GRIK4: variants seen among roughly 807,000 people sequenced by gnomAD.
GRIK4 encodes the protein glutamate ionotropic receptor kainate type subunit 4.
GRIK4 carries 40 observed loss-of-function variants against 104.9 expected under a neutral mutation model. That is an observed-to-expected ratio of 0.38 (90% confidence interval 0.30 to 0.50). The LOEUF (loss-of-function observed/expected upper bound fraction) is 0.50, where lower values mean the gene tolerates loss of function less well. Among genes scored for constraint, GRIK4 ranks in the 20% least tolerant of loss-of-function variants. The pLI, the probability that GRIK4 is intolerant of heterozygous loss-of-function variation, is 0.93. For missense variants in GRIK4, 1,047 were observed against 1,308.1 expected (o/e 0.80, Z 3.08); for synonymous variants, 485 against 524.9 (o/e 0.92, Z 1.04).
At chr11:120,680,215 C>T (rs2135284608) in intron 3 of GRIK4, among the ~76,000 whole-genome samples, 2 of 152,296 alleles carry the variant, frequency 1.3e-5, no homozygotes, top group East Asian at 3.9e-4. Context: ...GTAGCTGGGA[C>T]TACAGGTGCG....
intron 14 of GRIK4, among the ~76,000 whole-genome samples, chr11:120,943,107 TACAC>T (rs1222269285): frequency 8.4e-5 from 9 of 106,830 alleles, no homozygotes; most frequent in Non-Finnish European, 1.8e-4. Context: ...TGTCCCTCTC[TACAC>T]ACACACACAC....
At position 120,952,927 on chromosome 11, in the gene GRIK4, T is replaced by A. The variant is rs776634601; in HGVS notation, c.1663T>A (p.Tyr555Asn). 21 of 1,613,742 alleles carry A rather than the reference T, an allele frequency of 1.3e-5. No individual in the cohort carries two copies. The highest frequency in any genetic ancestry group is 1.7e-5 in the Non-Finnish European group (20 of 1,179,822). Residue 555 changes from tyrosine to asparagine, a missense_variant, in exon 15 of 21, where the codon TAT becomes AAT. Tyr to Asn is a moderately radical substitution (Grantham distance 143). Around this residue, in one of 3 missense-constraint regions of GRIK4, gnomAD observed 440 missense variants for 652.3 expected, o/e 0.67. Transcript: ENST00000527524. The surrounding 1 kb of genome is among the most constrained non-coding windows in gnomAD (Gnocchi z 5.2). ...PGVWLFMLLA[Y>N]LAVSCVLFLV... is the part of the protein sequence containing the mutation. ...CGTCTGGCTCTTCATGCTTCTAGCCTATCTGGCCGTCAGCTGTGTCCTCTT... is the reference window on the plus strand; with the variant it reads ...CGTCTGGCTCTTCATGCTTCTAGCCAATCTGGCCGTCAGCTGTGTCCTCTT...
At chr11:120,768,379 G>A (rs373785681) in intron 3 of GRIK4, among the ~76,000 whole-genome samples, 37 of 152,016 alleles carry the variant, frequency 2.4e-4, no homozygotes, top group African/African-American at 6.5e-4. Flanking sequence ...TAGAAATGCC[G>A]CTGATTTTTG....
chr11:120,747,014 G>A (rs962038104), intron 3 of GRIK4, among the ~76,000 whole-genome samples: 1 of 152,172 alleles, frequency 6.6e-6, no homozygotes, highest in Non-Finnish European at 1.5e-5. Flanking sequence ...AGAATGAAAT[G>A]AGATCATCCC....
At chr11:120,843,417 A>C (rs775712697) in intron 8 of GRIK4, among the ~76,000 whole-genome samples, 1 of 152,244 alleles carries the variant, frequency 6.6e-6, no homozygotes, top group African/African-American at 2.4e-5. Context: ...GTACATCAGC[A>C]GGAGGCCTCA....
In GRIK4 at chr11:120,928,982, T is replaced by C. The variant is rs866369838; in HGVS notation, c.1477-11365T>C. Among the ~76,000 whole-genome samples, 552 of 143,890 alleles carry C rather than the reference T, an allele frequency of 3.8e-3. 4 individuals are homozygous for C. Among genetic ancestry groups the C allele is most frequent in the African/African-American group, 0.013 (498 of 37,670 alleles). The allele number at this position is 143,890 out of a possible 152,430, so 94.4% of individuals were successfully genotyped here. ...AGACGTGTGTGTGTGTGTGTGTGTG[T>C]GTGTGTGCGCGCGTGCACGCGTGTA... On this transcript the variant is annotated intron_variant, in intron 13 of 20. Coordinates refer to ENST00000527524, the MANE Select transcript of GRIK4 (RefSeq NM_014619.5).
At chr11:120,736,691 A>T (rs1279133103) in intron 3 of GRIK4, among the ~76,000 whole-genome samples, 2 of 152,172 alleles carry the variant, frequency 1.3e-5, no homozygotes, top group Non-Finnish European at 2.9e-5. Context: ...AAAGAATGGA[A>T]ATACATAGTT....
intron 1 of GRIK4, among the ~76,000 whole-genome samples, chr11:120,613,112 A>C (rs1045247537): frequency 6.6e-5 from 10 of 152,210 alleles, no homozygotes; most frequent in Non-Finnish European, 1.5e-4. Flanking sequence ...ATGATTACTC[A>C]TATCCATGTG....
chr11:120,921,812 C>A (rs2134570345), intron 13 of GRIK4, among the ~76,000 whole-genome samples: 2 of 152,318 alleles, frequency 1.3e-5, no homozygotes, highest in Admixed American at 1.3e-4. Context: ...TTTTGTTCTC[C>A]AAGTTGCAGC....
rs969286636 is a variant in GRIK4, at chr11:120,986,165, C to T, written c.2776C>T (p.Arg926Cys). Residue 926 changes from arginine to cysteine, a missense_variant, in exon 21 of 21, where the codon CGC becomes TGC. Transcript: ENST00000527524. ...CTHIRVCPECRRFQGLRARPS... is the reference protein window; with the variant it reads ...CTHIRVCPECCRFQGLRARPS... The stretch of plus-strand genomic sequence containing the variant: ...GCACATCCGCGTCTGCCCCGAGTGC[C>T]GCCGCTTCCAGGGCCTGCGGGCACG... The T allele has an allele frequency of 6.5e-7, 1 of 1,550,198 alleles. No homozygotes were observed. Among genetic ancestry groups the T allele is most frequent in the Admixed American group, 1.8e-5 (1 of 55,360 alleles).
chr11:120,810,112 A>G (rs143943481), intron 4 of GRIK4, among the ~76,000 whole-genome samples: 1 of 152,310 alleles, frequency 6.6e-6, no homozygotes, highest in Non-Finnish European at 1.5e-5. Flanking sequence ...CATGTACCAT[A>G]TGTAAAGTTG....
chr11:120,771,936 A>G (rs1239440975), intron 3 of GRIK4, among the ~76,000 whole-genome samples: 2 of 152,222 alleles, frequency 1.3e-5, no homozygotes, highest in African/African-American at 4.8e-5. Flanking sequence ...GGGTAGAACT[A>G]CCCTCATGAT....
intron 2 of GRIK4, among the ~76,000 whole-genome samples, chr11:120,655,900 G>A (rs1565275842): frequency 6.6e-6 from 1 of 152,154 alleles, no homozygotes; most frequent in Non-Finnish European, 1.5e-5. Flanking sequence ...TTTGTGGCAT[G>A]CTGTGGGATC....
At position 120,940,933 on chromosome 11, in the gene GRIK4, G is replaced by A. The variant is rs1172396970; in HGVS notation, c.1590+473G>A. On this transcript the variant is annotated intron_variant, in intron 14 of 20. Transcript: ENST00000527524. This position sits in a 1 kb window ranked among gnomAD's most constrained non-coding sequence, Gnocchi z 4.3. ...AGATAATTTAATGTCATTTATACCT[G>A]GCCTGCCCTTTTCTGCATTCCATGC... is the stretch of plus-strand genomic sequence containing the variant. Among the ~76,000 whole-genome samples, 4 of 152,300 alleles carry A rather than the reference G, an allele frequency of 2.6e-5. No homozygotes were observed. The highest frequency in any genetic ancestry group is 4.1e-4 in the South Asian group (2 of 4,822).
intron 1 of GRIK4, among the ~76,000 whole-genome samples, chr11:120,534,776 G>A (rs1436028032): frequency 1.3e-5 from 2 of 152,190 alleles, no homozygotes; most frequent in Non-Finnish European, 2.9e-5. Flanking sequence ...CAGGCAGATG[G>A]CCTCTGCAGC....
At chr11:120,929,343 G>A (rs11606586) in intron 13 of GRIK4, among the ~76,000 whole-genome samples, 4,878 of 152,184 alleles carry the variant, frequency 0.032, 281 homozygotes, top group African/African-American at 0.11. Context: ...GCGGATGCTC[G>A]TGTGGGCCAG....
intron 11 of GRIK4, among the ~76,000 whole-genome samples, chr11:120,882,312 A>G (rs1396990209): frequency 2.0e-5 from 3 of 152,196 alleles, no homozygotes; most frequent in African/African-American, 7.2e-5. Context: ...TTGAGGAAGG[A>G]ATTTACCATA....
intron 14 of GRIK4, among the ~76,000 whole-genome samples, chr11:120,951,293 G>C (rs1268651484): frequency 6.6e-6 from 1 of 152,234 alleles, no homozygotes; most frequent in Non-Finnish European, 1.5e-5. Flanking sequence ...ACAGGAGCGT[G>C]CAGAACTGTC....
At chr11:120,553,937 GC>G (rs1405629706) in intron 1 of GRIK4, among the ~76,000 whole-genome samples, 2 of 152,290 alleles carry the variant, frequency 1.3e-5, no homozygotes, top group Non-Finnish European at 2.9e-5. Flanking sequence ...AAACAGAGAA[GC>G]CTCCTGAGAC....
Sources: gnomAD v4.1 joint callset for allele counts (sites outside exome capture counted in the v4.1 genomes callset) on GRCh38, gnomAD v4.1.1 for gene constraint, gnomAD v4.1.1 regional missense constraint, Gnocchi (gnomAD v3.1) non-coding constraint, MANE v1.5 for transcripts, NCBI Gene and HGNC (gene_info 2026-07-23, HGNC 2026-07-21) for gene names.